Variants in USP20 observed in about 807,000 individuals in gnomAD.
USP20 encodes the protein ubiquitin carboxyl-terminal hydrolase 20.
USP20 carries 80 observed loss-of-function variants against 124.2 expected under a neutral mutation model. The ratio of observed to expected loss-of-function variants is 0.64; its 90% CI spans 0.54 to 0.78. The LOEUF is 0.78. USP20 is among the 30% of genes least tolerant of loss of function. USP20 has a pLI of 0.00. For synonymous variants in USP20, 481 were observed against 512.3 expected, an observed-to-expected ratio of 0.94 and a Z score of 0.83; for missense variants, 1,043 against 1,244.4, an observed-to-expected ratio of 0.84 and a Z score of 2.44.
intron 8 of USP20, among the ~76,000 whole-genome samples, chr9:129,862,681 G>A (rs1303035945): frequency 6.6e-6 from 1 of 152,156 alleles, no homozygotes; most frequent in Non-Finnish European, 1.5e-5. Context: ...CAAGGCAAGT[G>A]GATCGCCTGA....
intron 13 of USP20, 95 bp downstream of exon 13, chr9:129,869,520 G>C (rs2034010130): frequency 1.3e-6 from 2 of 1,524,038 alleles, no homozygotes; most frequent in South Asian, 1.2e-5. Flanking sequence ...CTCCACGGGT[G>C]CTCCCTGCTT....
At chr9:129,869,486 C>A in intron 13 of USP20, 61 bp downstream of exon 13, 1 of 1,576,792 alleles carries the variant, frequency 6.3e-7, no homozygotes, top group Non-Finnish European at 8.7e-7. Context: ...GCAGCTCTTG[C>A]CCTGACTGGG....
At chr9:129,836,088 G>C (rs1017288843) in intron 1 of USP20, among the ~76,000 whole-genome samples, 56 of 152,174 alleles carry the variant, frequency 3.7e-4, no homozygotes, top group African/African-American at 1.4e-3. Context: ...TCCTTCGGCA[G>C]GTCTGTCGCT....
At chr9:129,844,340 A>G (rs979588580) in intron 1 of USP20, among the ~76,000 whole-genome samples, 5 of 152,140 alleles carry the variant, frequency 3.3e-5, no homozygotes, top group Non-Finnish European at 5.9e-5. Flanking sequence ...AAATTTATAT[A>G]TCTGGTTGGG....
rs1491285186 is a variant in USP20 at position 129,846,248 on chromosome 9, T to TATATATATATATATATATA, written c.-128-3565_-128-3564insATATATATATATATATATA. ...CCAGCCATATATATATATATATATA[T>TATATATATATATATATATA]TTTTTTTTTTTTTTTTTTTTTTTTT... On this transcript the variant is annotated intron_variant, in intron 1 of 25. Coordinates refer to ENST00000372429, the MANE Select transcript of USP20 (RefSeq NM_001110303.4). 2.0e-4 allele frequency among the ~76,000 whole-genome samples: 8 copies of TATATATATATATATATATA among 40,604 alleles called. No homozygotes were observed. The South Asian group carries it at 4.4e-3, about 22-fold the overall frequency. 26.6% of individuals were successfully genotyped at this position (40,604 alleles called of 152,430 possible).
rs570428348 is a variant in USP20 at position 129,871,169 on chromosome 9, A to G, written c.1660+622A>G. 2.0e-5 allele frequency among the ~76,000 whole-genome samples: 3 copies of G among 152,206 alleles called. No individual in the cohort carries two copies. The East Asian group carries it at 5.8e-4, about 29-fold the overall frequency. The stretch of plus-strand genomic sequence containing the variant: ...AAACCTGAAACTCAGTATCCGTGAA[A>G]CAGCTCCCTACTCCCACCTCCCAGC... On this transcript the variant is annotated intron_variant, in intron 15 of 25. Transcript: ENST00000372429.
chr9:129,839,626 G>A lies in USP20; in HGVS notation c.-129+4127G>A, dbSNP rs1262304192. On this transcript the variant is annotated intron_variant, in intron 1 of 25. Coordinates refer to ENST00000372429, the MANE Select transcript of USP20 (RefSeq NM_001110303.4). This position sits in a 1 kb window ranked among gnomAD's most constrained non-coding sequence, Gnocchi z 4.5. ...GGGGGTGGGCACACACCCTGTGCGG[G>A]GCTGGGGGTGTGAGATGGCTAATGT... Among the ~76,000 whole-genome samples, 1 of 152,058 alleles carries A rather than the reference G, an allele frequency of 6.6e-6. No individual in the cohort carries two copies. The highest frequency in any genetic ancestry group is 1.9e-4 in the East Asian group (1 of 5,188).
intron 3 of USP20, among the ~76,000 whole-genome samples, chr9:129,855,440 A>C (rs1034620055): frequency 6.6e-6 from 1 of 152,070 alleles, no homozygotes; most frequent in African/African-American, 2.4e-5. Context: ...CAAAACAAAA[A>C]AAAAAAAGAA....
At chr9:129,860,821 A>T in intron 6 of USP20, 116 bp from the exon 7 acceptor site, 1 of 1,024,562 alleles carries the variant, frequency 9.8e-7, no homozygotes, top group Non-Finnish European at 1.5e-6. Context: ...GGACTGGCTC[A>T]GCCCAGTAGG....
In USP20 at chr9:129,871,243, C is replaced by A. The variant is rs539561114; in HGVS notation, c.1660+696C>A. On this transcript the variant is annotated intron_variant, in intron 15 of 25. Coordinates refer to ENST00000372429, the MANE Select transcript of USP20 (RefSeq NM_001110303.4). ...TCTGTGAATGTGACTACTCTAAAGG[C>A]CTCATAGAAGTGGAATTATACAGTA... Among the ~76,000 whole-genome samples, 9 of 39,318 alleles carry A rather than the reference C, an allele frequency of 2.3e-4. No individual in the cohort carries two copies. The South Asian group carries it at 0.013, about 57-fold the overall frequency. The allele number at this position is 39,318 out of a possible 152,430, so 25.8% of individuals were successfully genotyped here. A position where few individuals can be genotyped will look rare whatever the true frequency, so the allele number is the denominator to read the frequency against.
rs765883873 is a variant in USP20, at chr9:129,874,896, C to T, written c.1989C>T (p.Tyr663=). 6 of 1,614,008 alleles carry T rather than the reference C, an allele frequency of 3.7e-6. No individual in the cohort carries two copies. Among genetic ancestry groups the T allele is most frequent in the African/African-American group, 2.7e-5 (2 of 74,938 alleles). ...NGQWYEFDDQ[Y]VTEVHETVVQ... is the part of the protein sequence containing the mutation. Reference sequence around the variant, plus strand: ...AGTGGTACGAGTTTGATGACCAGTACGTCACAGAAGTCCACGAGACGGTGG... The same window carrying T: ...AGTGGTACGAGTTTGATGACCAGTATGTCACAGAAGTCCACGAGACGGTGG... Residue 663 remains tyrosine, a synonymous_variant, in exon 19 of 26, where the codon TAC becomes TAT. Transcript: ENST00000372429.
In USP20 at chr9:129,881,529, G is replaced by A. The variant is rs189115848; in HGVS notation, c.*1079G>A. ...GGGACCAGACCCCCCACACTACTGC[G>A]TCTTTGTTTCTATCAGTCTTTGTAG... On this transcript the variant is annotated 3_prime_UTR_variant, in exon 26 of 26. Transcript: ENST00000372429. The A allele has an allele frequency of 1.1e-4, 17 of 152,416 alleles. No homozygotes were observed. The highest frequency in any genetic ancestry group is 3.3e-4 in the Admixed American group (5 of 15,308). 9.4% of individuals were successfully genotyped at this position (152,416 alleles called of 1,614,324 possible).
Position 129,865,286 on chromosome 9 carries a change from G to A in USP20, c.612-17G>A, listed in dbSNP as rs1228497844. On this transcript the variant is annotated splice_polypyrimidine_tract_variant and intron_variant, in intron 9 of 25. Coordinates refer to ENST00000372429, the MANE Select transcript of USP20 (RefSeq NM_001110303.4). ...CAAGGCAGGCTACCTGGACTAATGG[G>A]TTTGGGCTTCCTACAGGCCAAGCTA... The A allele has an allele frequency of 6.2e-7, 1 of 1,614,010 alleles. No homozygotes were observed. Among genetic ancestry groups the A allele is most frequent in the South Asian group, 1.1e-5 (1 of 91,084 alleles).
At chr9:129,867,944 C>T (rs1243413071) in intron 10 of USP20, 61 bp from the exon 11 acceptor site, 20 of 1,547,702 alleles carry the variant, frequency 1.3e-5, no homozygotes, top group South Asian at 6.1e-5. Context: ...AGCCACAGGG[C>T]GCTGGAGACT....
In USP20 at chr9:129,880,291, T is replaced by TA. The variant is rs1386970609; in HGVS notation, c.*16+4dup. 3.2e-6 allele frequency: 5 copies of TA among 1,570,030 alleles called. No homozygotes were observed. The African/African-American group carries it at 6.7e-5, about 21-fold the overall frequency. ...CCGTGTGATCTGCTGGGCTAGTCTG[T>TA]AAGTCGCCCCGGCTGGTCCCTCCAT... On this transcript the variant is annotated splice_region_variant and intron_variant, in intron 25 of 25. Coordinates refer to ENST00000372429, the MANE Select transcript of USP20 (RefSeq NM_001110303.4).
chr9:129,868,139 C>T lies in USP20; in HGVS notation c.825C>T (p.Asp275=), dbSNP rs769955607. The change falls in exon 11 of 26, where the codon GAC becomes GAT. Residue 275 remains aspartate (D), a synonymous_variant. Coordinates refer to ENST00000372429, the MANE Select transcript of USP20 (RefSeq NM_001110303.4). ...ACACGGATGAGAAACGGGAGGGTGA[C>T]CGGAGCCCATCAGAAGATGAGTTCT... ...SSDTDEKREG[D]RSPSEDEFLS... 1 of 1,614,112 alleles carries T rather than the reference C, an allele frequency of 6.2e-7. No individual in the cohort carries two copies. Among genetic ancestry groups the T allele is most frequent in the Non-Finnish European group, 8.5e-7 (1 of 1,180,008 alleles).
chr9:129,862,330 G>A (rs780498446), intron 8 of USP20, among the ~76,000 whole-genome samples: 6 of 152,106 alleles, frequency 3.9e-5, no homozygotes, highest in Non-Finnish European at 8.8e-5. Flanking sequence ...GAGGCAGATG[G>A]ATCACCAGGT....
chr9:129,880,235 G>T lies in USP20; in HGVS notation c.2707G>T (p.Gly903Trp). 6.2e-7 allele frequency: 1 copy of T among 1,612,404 alleles called. No homozygotes were observed. Among genetic ancestry groups the T allele is most frequent in the East Asian group, 2.2e-5 (1 of 44,812 alleles). ...GCCGCTGGGCCCAGAGAACCTGCAC[G>T]GGGAGCAGAAGATCGAAGCCGAGAC... is the stretch of plus-strand genomic sequence containing the variant. ...AQPLGPENLH[G>W]EQKIEAETRA... The change falls in exon 25 of 26, where the codon GGG becomes TGG. Residue 903 changes from glycine to tryptophan, a missense_variant. Gly to Trp is a radical substitution (Grantham distance 184). Coordinates refer to ENST00000372429, the MANE Select transcript of USP20 (RefSeq NM_001110303.4).
At position 129,870,555 on chromosome 9, in the gene USP20, G is replaced by A. The variant is rs752255825; in HGVS notation, c.1660+8G>A. On this transcript the variant is annotated splice_region_variant and intron_variant, in intron 15 of 25. Transcript: ENST00000372429. ...CCGCTGATGAGTTAAAGGGTGAGGG[G>A]CCTGGCTGGCAAGGGTCGGGGAGGT... 1.2e-6 allele frequency: 2 copies of A among 1,614,078 alleles called. No individual in the cohort carries two copies. Among genetic ancestry groups the A allele is most frequent in the East Asian group, 4.5e-5 (2 of 44,880 alleles).
Sources: allele counts gnomAD v4.1 joint callset (sites outside exome capture counted in the v4.1 genomes callset), GRCh38; gene constraint gnomAD v4.1.1; non-coding constraint Gnocchi (gnomAD v3.1); transcripts MANE v1.5; gene names NCBI Gene and HGNC (gene_info 2026-07-23, HGNC 2026-07-21).